Variants in SYT1 observed in about 807,000 individuals in gnomAD.
The protein encoded by SYT1 is synaptotagmin-1.
In SYT1, 8 loss-of-function variants were observed where a neutral mutation model predicts 44.8. The ratio of observed to expected loss-of-function variants is 0.18; its 90% CI spans 0.10 to 0.32. SYT1 has a LOEUF of 0.32. Among genes scored for constraint, SYT1 ranks in the 10% least tolerant of loss-of-function variants. The pLI is 1.00. For missense variants in SYT1, 286 were observed against 509.3 expected (o/e 0.56, Z 4.22); for synonymous variants, 154 against 188.8 (o/e 0.82, Z 1.51).
chr12:78,976,130 A>G (rs1014484891), intron 1 of SYT1, among the ~76,000 whole-genome samples: 1 of 152,122 alleles, frequency 6.6e-6, no homozygotes. Flanking sequence ...CATGACACTT[A>G]CCAATTTATA....
At chr12:78,973,933 AAAAAAATATATATATATATATAT>A (rs1213181290) in intron 1 of SYT1, among the ~76,000 whole-genome samples, 3 of 28,710 alleles carry the variant, frequency 1.0e-4, no homozygotes, top group African/African-American at 1.8e-4. Context: ...AAAAAAAAAA[AAAAAAATATATATATATATATAT>A]ATATATATAT....
intron 1 of SYT1, among the ~76,000 whole-genome samples, chr12:78,906,533 A>G (rs545917851): frequency 6.6e-6 from 1 of 152,258 alleles, no homozygotes; most frequent in East Asian, 1.9e-4. Flanking sequence ...AAAGAAAGGG[A>G]AAAAGGCCGT....
chr12:79,138,519 A>T (rs1241194934), intron 3 of SYT1, among the ~76,000 whole-genome samples: 1 of 152,074 alleles, frequency 6.6e-6, no homozygotes, highest in Non-Finnish European at 1.5e-5. Context: ...ACTTCTATTC[A>T]CCTCCTGCCT....
chr12:79,081,129 G>A (rs907653959), intron 3 of SYT1, among the ~76,000 whole-genome samples: 12 of 152,124 alleles, frequency 7.9e-5, no homozygotes, highest in African/African-American at 2.4e-4. Context: ...CAGAGATCTT[G>A]GAAGAGCTAT....
chr12:79,345,148 C>T (rs924520085), intron 8 of SYT1, among the ~76,000 whole-genome samples: 3 of 152,160 alleles, frequency 2.0e-5, no homozygotes, highest in African/African-American at 7.2e-5. Flanking sequence ...CCCTGCCCTC[C>T]TCCTCCTCCC....
At chr12:79,314,035 A>ACG (rs1880949896) in intron 8 of SYT1, among the ~76,000 whole-genome samples, 2 of 150,086 alleles carry the variant, frequency 1.3e-5, no homozygotes, top group Non-Finnish European at 3.0e-5. Context: ...CGGGCGTGGT[A>ACG]GCGGGCGCCT....
chr12:79,331,903 C>T (rs1285006989), intron 8 of SYT1, among the ~76,000 whole-genome samples: 1 of 152,048 alleles, frequency 6.6e-6, no homozygotes, highest in East Asian at 1.9e-4. Flanking sequence ...TCATTTTTCT[C>T]ATTTACATTT....
chr12:79,258,362 G>C (rs1877645776), intron 4 of SYT1, among the ~76,000 whole-genome samples: 1 of 141,312 alleles, frequency 7.1e-6, no homozygotes, highest in African/African-American at 2.7e-5. Context: ...GAAGATGAGA[G>C]ACTGCCTGAA....
chr12:78,930,399 A>G (rs1877569043), intron 1 of SYT1, among the ~76,000 whole-genome samples: 1 of 152,062 alleles, frequency 6.6e-6, no homozygotes, highest in African/African-American at 2.4e-5. Flanking sequence ...ATTTTCAATC[A>G]AAGTAAAATA....
At chr12:79,365,195 A>G (rs1003573092) in intron 9 of SYT1, among the ~76,000 whole-genome samples, 2 of 152,088 alleles carry the variant, frequency 1.3e-5, no homozygotes, top group Non-Finnish European at 2.9e-5. Flanking sequence ...ATATACAAAT[A>G]TATATACATT....
chr12:78,887,992 C>G (rs1592527021), intron 1 of SYT1, among the ~76,000 whole-genome samples: 1 of 151,832 alleles, frequency 6.6e-6, no homozygotes, highest in East Asian at 2.0e-4. Flanking sequence ...GCCCAAAAAA[C>G]TATGATAGAC....
chr12:79,199,083 A>T (rs1456669427), intron 3 of SYT1, among the ~76,000 whole-genome samples: 1 of 152,178 alleles, frequency 6.6e-6, no homozygotes, highest in East Asian at 1.9e-4. Flanking sequence ...CATGGCCAAG[A>T]AAGAAATCTC....
intron 3 of SYT1, among the ~76,000 whole-genome samples, chr12:79,082,944 A>T (rs1430742471): frequency 6.6e-6 from 1 of 152,184 alleles, no homozygotes; most frequent in East Asian, 1.9e-4. Flanking sequence ...TTTAATGAAA[A>T]AACAAAAATA....
chr12:79,188,862 A>C (rs1464246909), intron 3 of SYT1, among the ~76,000 whole-genome samples: 1 of 152,132 alleles, frequency 6.6e-6, no homozygotes, highest in Non-Finnish European at 1.5e-5. Flanking sequence ...ATGTAACTGG[A>C]AATTTTTCAA....
At chr12:79,255,685 G>A (rs1441781090) in intron 4 of SYT1, among the ~76,000 whole-genome samples, 4 of 152,172 alleles carry the variant, frequency 2.6e-5, no homozygotes, top group Non-Finnish European at 4.4e-5. Context: ...AACCAGGAAC[G>A]TTTTTCATAA....
chr12:78,956,196 G>T (rs1057098212), intron 1 of SYT1, among the ~76,000 whole-genome samples: 4 of 151,880 alleles, frequency 2.6e-5, no homozygotes, highest in South Asian at 2.1e-4. Context: ...GGTATGGGGG[G>T]GCAGAATGTG....
At chr12:79,334,925 G>A (rs886621693) in intron 8 of SYT1, among the ~76,000 whole-genome samples, 23 of 152,154 alleles carry the variant, frequency 1.5e-4, no homozygotes, top group East Asian at 9.7e-4. Context: ...GGAGAGCCAG[G>A]AACATTCACA....
At chr12:78,901,270 T>G (rs1875647754) in intron 1 of SYT1, among the ~76,000 whole-genome samples, 1 of 152,116 alleles carries the variant, frequency 6.6e-6, no homozygotes, top group Non-Finnish European at 1.5e-5. Flanking sequence ...AATGTGGACC[T>G]CCTAAAATAT....
chr12:79,365,478 G>A (rs1436485620), intron 9 of SYT1, among the ~76,000 whole-genome samples: 5 of 152,030 alleles, frequency 3.3e-5, no homozygotes, highest in African/African-American at 7.2e-5. Context: ...AAGATGTCAT[G>A]CTTCCCAAAT....
Sources: allele counts gnomAD v4.1 joint callset (sites outside exome capture counted in the v4.1 genomes callset), GRCh38; gene constraint gnomAD v4.1.1; transcripts MANE v1.5; gene names NCBI Gene and HGNC (gene_info 2026-07-23, HGNC 2026-07-21).